Variants in CAPN7 observed in about 807,000 individuals in gnomAD.
CAPN7 encodes the protein calpain 7.
In CAPN7, 72 loss-of-function variants were observed where a neutral mutation model predicts 115.2. The observed-to-expected ratio is 0.63, with a 90% CI of 0.52 to 0.76. CAPN7 has a LOEUF of 0.76. Among genes scored for constraint, CAPN7 ranks in the 30% least tolerant of loss-of-function variants. The pLI is 0.00. For missense variants in CAPN7, 905 were observed against 971.5 expected, an observed-to-expected ratio of 0.93 and a Z score of 0.91; for synonymous variants, 344 against 322.3, an observed-to-expected ratio of 1.07 and a Z score of -0.72.
Position 15,252,558 on chromosome 3 carries a change from G to A in CAPN7, c.*1298G>A, listed in dbSNP as rs1696048382. 1 of 152,058 alleles carries A rather than the reference G, an allele frequency of 6.6e-6. No individual in the cohort carries two copies. Among genetic ancestry groups the A allele is most frequent in the South Asian group, 2.1e-4 (1 of 4,832 alleles). 9.4% of individuals were successfully genotyped at this position (152,058 alleles called of 1,614,324 possible). On this transcript the variant is annotated 3_prime_UTR_variant, in exon 21 of 21. Transcript: ENST00000253693. The stretch of plus-strand genomic sequence containing the variant: ...TAAAAAGAAAAAATCCAGAACATAA[G>A]AACTATATTATGAACACATGATTTG...
At chr3:15,240,061 G>C (rs943497958) in intron 12 of CAPN7, among the ~76,000 whole-genome samples, 1 of 152,186 alleles carries the variant, frequency 6.6e-6, no homozygotes, top group Admixed American at 6.5e-5. Flanking sequence ...GCTTTGAAAA[G>C]GCAGAAAATA....
In CAPN7 at chr3:15,233,980, A is replaced by G; in HGVS notation, c.1286+7A>G. On this transcript the variant is annotated splice_region_variant and intron_variant, in intron 11 of 20. Transcript: ENST00000253693. The stretch of plus-strand genomic sequence containing the variant: ...TCAGAATGCTTTATCAAAGGTAAAC[A>G]TTTTTCTTTGTTTTATGTGTGTGGT... 2 of 1,458,860 alleles carry G rather than the reference A, an allele frequency of 1.4e-6. No homozygotes were observed. Among genetic ancestry groups the G allele is most frequent in the Non-Finnish European group, 1.9e-6 (2 of 1,044,066 alleles). 90.4% of individuals were successfully genotyped at this position (1,458,860 alleles called of 1,614,324 possible). A position where few individuals can be genotyped will look rare whatever the true frequency, so the allele number is the denominator to read the frequency against.
intron 12 of CAPN7, among the ~76,000 whole-genome samples, chr3:15,237,803 C>G (rs116397294): frequency 0.029 from 4,436 of 151,948 alleles, 236 homozygotes; most frequent in African/African-American, 0.1. Context: ...GACCCCATCT[C>G]TACAATAAAT....
At chr3:15,219,163 A>G (rs370340620) in intron 4 of CAPN7, among the ~76,000 whole-genome samples, 7 of 152,122 alleles carry the variant, frequency 4.6e-5, no homozygotes, top group East Asian at 3.8e-4. Flanking sequence ...ATTTTTGTCT[A>G]TTTTATTTAG....
At chr3:15,223,924 A>C (rs1694148651) in intron 6 of CAPN7, among the ~76,000 whole-genome samples, 1 of 152,244 alleles carries the variant, frequency 6.6e-6, no homozygotes, top group South Asian at 2.1e-4. Context: ...TTTACTAAGA[A>C]GACCAATTCA....
intron 1 of CAPN7, 71 bp downstream of exon 1, chr3:15,206,668 C>T (rs1332438603): frequency 1.8e-6 from 2 of 1,136,130 alleles, no homozygotes; most frequent in Non-Finnish European, 2.5e-6. Context: ...GGCCGAGGGG[C>T]GGGATCCGGG....
intron 4 of CAPN7, among the ~76,000 whole-genome samples, chr3:15,220,420 A>G (rs1693907363): frequency 6.6e-6 from 1 of 152,186 alleles, no homozygotes; most frequent in African/African-American, 2.4e-5. Flanking sequence ...ATTCATTTGC[A>G]TGTAATACTT....
intron 11 of CAPN7, among the ~76,000 whole-genome samples, chr3:15,234,439 A>G (rs1433970711): frequency 6.6e-6 from 1 of 152,244 alleles, no homozygotes; most frequent in African/African-American, 2.4e-5. Context: ...CACATTATGT[A>G]CTTCCTATAG....
intron 1 of CAPN7, among the ~76,000 whole-genome samples, chr3:15,209,395 A>G (rs1292116559): frequency 6.6e-6 from 1 of 152,232 alleles, no homozygotes; most frequent in East Asian, 1.9e-4. Context: ...ATTTGTAAAG[A>G]TAAATCAGCA....
Position 15,227,791 on chromosome 3 carries a change from C to A in CAPN7, c.726-48C>A. 3 of 1,234,334 alleles carry A rather than the reference C, an allele frequency of 2.4e-6. No homozygotes were observed. In the South Asian group the frequency reaches 6.2e-5, roughly 25 times the overall value. The allele number at this position is 1,234,334 out of a possible 1,614,324, so 76.5% of individuals were successfully genotyped here. A position where few individuals can be genotyped will look rare whatever the true frequency, so the allele number is the denominator to read the frequency against. ...AGGAAATTTAATTTTGGCTTTGAGT[C>A]ATCTTTTAAGATTAATTTTTTTATT... On this transcript the variant is annotated intron_variant, in intron 6 of 20. Transcript: ENST00000253693.
chr3:15,206,606 G>C lies in CAPN7; in HGVS notation c.102+9G>C, dbSNP rs903179311. 5 of 1,538,778 alleles carry C rather than the reference G, an allele frequency of 3.2e-6. No homozygotes were observed. The African/African-American group carries it at 7.0e-5, about 22-fold the overall frequency. On this transcript the variant is annotated intron_variant, in intron 1 of 20. Transcript: ENST00000253693. ...CGGTGTTTTATTACAAGGTAGGGCC[G>C]GGCCCGGCGCTTCGGTCGGAGTTGC... is the stretch of plus-strand genomic sequence containing the variant.
Position 15,223,526 on chromosome 3 carries a change from C to T in CAPN7, c.690C>T (p.Asp230=). The change falls in exon 6 of 21, where the codon GAC becomes GAT. Residue 230 remains aspartate (D), a synonymous_variant. Transcript: ENST00000253693. The part of the protein sequence containing the change: ...GIEYVPFMNV[D]LRERFAYPMP... ...AATATGTTCCTTTCATGAATGTTGA[C>T]CTGAGAGAACGTTTTGCCTATCCAA... 2 of 1,606,910 alleles carry T rather than the reference C, an allele frequency of 1.2e-6. No individual in the cohort carries two copies. Among genetic ancestry groups the T allele is most frequent in the Non-Finnish European group, 1.7e-6 (2 of 1,176,776 alleles).
intron 16 of CAPN7, among the ~76,000 whole-genome samples, chr3:15,244,662 A>G (rs1695551037): frequency 6.6e-6 from 1 of 152,250 alleles, no homozygotes; most frequent in Non-Finnish European, 1.5e-5. Context: ...ATCTTAACAT[A>G]TAGTAATTGT....
intron 12 of CAPN7, 110 bp from the exon 13 acceptor site, chr3:15,240,358 GTTGAT>G: frequency 1.0e-6 from 1 of 959,152 alleles, no homozygotes; most frequent in Non-Finnish European, 1.6e-6. Context: ...TTAATTTCAA[GTTGAT>G]TTGAGGGGAA....
At position 15,250,941 on chromosome 3, in the gene CAPN7, G is replaced by A. The variant is rs771052730; in HGVS notation, c.2215G>A (p.Val739Ile). 1.6e-5 allele frequency: 26 copies of A among 1,607,354 alleles called. No individual in the cohort carries two copies. The highest frequency in any genetic ancestry group is 1.6e-4 in the Middle Eastern group (1 of 6,064). ...CATTTTAAATGCTAGGCAATATAGC[G>A]TTGGATTTGAGGTTGTAACAGTTTC... ...IELRGPRQYS[V>I]GFEVVTVSTL... Residue 739 changes from valine to isoleucine, a missense_variant, in exon 20 of 21, where the codon GTT becomes ATT. Val to Ile is a conservative substitution (Grantham distance 29). Around this residue, in one of 3 missense-constraint regions of CAPN7, gnomAD observed 620 missense variants for 703.4 expected, o/e 0.88. Transcript: ENST00000253693.
chr3:15,229,898 CT>C (rs1319142590), intron 8 of CAPN7, among the ~76,000 whole-genome samples: 5 of 152,012 alleles, frequency 3.3e-5, no homozygotes, highest in African/African-American at 1.2e-4. Flanking sequence ...TCAACTTTTC[CT>C]GAGCGGTTTT....
rs542219973 is a variant in CAPN7, at chr3:15,242,059, C to T, written c.1789-119C>T. 55 of 691,776 alleles carry T rather than the reference C, an allele frequency of 8.0e-5. 1 individual carries two copies. The South Asian group carries it at 9.0e-4, about 11-fold the overall frequency. 42.9% of individuals were successfully genotyped at this position (691,776 alleles called of 1,614,324 possible). On this transcript the variant is annotated intron_variant, in intron 15 of 20. Transcript: ENST00000253693. The stretch of plus-strand genomic sequence containing the variant: ...GCACTAAATAGCTGAAAACAATGCT[C>T]TTAAAATTAGAGATTTTTTGTGGAG...
chr3:15,224,041 A>G (rs1694157787), intron 6 of CAPN7, among the ~76,000 whole-genome samples: 2 of 152,226 alleles, frequency 1.3e-5, no homozygotes, highest in African/African-American at 4.8e-5. Flanking sequence ...CCGAGCTTGT[A>G]GTCATCGTAA....
In CAPN7 at chr3:15,241,595, A is replaced by T; in HGVS notation, c.1788+7A>T. 1 of 1,612,252 alleles carries T rather than the reference A, an allele frequency of 6.2e-7. No homozygotes were observed. Among genetic ancestry groups the T allele is most frequent in the African/African-American group, 1.3e-5 (1 of 74,952 alleles). On this transcript the variant is annotated splice_region_variant and intron_variant, in intron 15 of 20. Transcript: ENST00000253693. ...TAGACACATAACAGACAAGGTACTG[A>T]TACCCTTCTAATGATATCCCATACA...
Sources: gnomAD v4.1 joint callset for allele counts (sites outside exome capture counted in the v4.1 genomes callset) on GRCh38, gnomAD v4.1.1 for gene constraint, gnomAD v4.1.1 regional missense constraint, MANE v1.5 for transcripts, NCBI Gene and HGNC (gene_info 2026-07-23, HGNC 2026-07-21) for gene names.